ANKFN1: variants seen among roughly 807,000 people sequenced by gnomAD.
The protein encoded by ANKFN1 is ankyrin repeat and fibronectin type-III domain-containing protein 1.
In ANKFN1, 74 loss-of-function variants were observed where a neutral mutation model predicts 108.7. That is an observed-to-expected ratio of 0.68 (90% confidence interval 0.56 to 0.83). The LOEUF (loss-of-function observed/expected upper bound fraction) is 0.83, where lower values mean the gene tolerates loss of function less well. Among genes scored for constraint, ANKFN1 ranks in the 40% least tolerant of loss-of-function variants. ANKFN1 has a pLI of 0.00. For synonymous variants in ANKFN1, 547 were observed against 516.2 expected (o/e 1.06, Z -0.81); for missense variants, 1,505 against 1,382.3 (o/e 1.09, Z -1.41).
chr17:56,363,202 G>A (rs992447014), intron 6 of ANKFN1, among the ~76,000 whole-genome samples: 3 of 151,946 alleles, frequency 2.0e-5, no homozygotes, highest in African/African-American at 4.8e-5. Flanking sequence ...CCAGCCTGGG[G>A]ACAGAGGGAG....
At chr17:56,197,877 A>T (rs1913665841) in intron 1 of ANKFN1, among the ~76,000 whole-genome samples, 1 of 152,170 alleles carries the variant, frequency 6.6e-6, no homozygotes, top group African/African-American at 2.4e-5. Flanking sequence ...GATGCCTGTG[A>T]TATGTGCCTG....
chr17:56,475,644 T>C (rs1476170257), intron 15 of ANKFN1, among the ~76,000 whole-genome samples: 1 of 152,212 alleles, frequency 6.6e-6, no homozygotes, highest in Non-Finnish European at 1.5e-5. Context: ...TATATTTGGA[T>C]ATAGTTGTGG....
At chr17:56,208,478 T>C (rs1156253702) in intron 1 of ANKFN1, among the ~76,000 whole-genome samples, 1 of 152,192 alleles carries the variant, frequency 6.6e-6, no homozygotes, top group Non-Finnish European at 1.5e-5. Flanking sequence ...CATTGGCAGC[T>C]GTCCCCCGGG....
chr17:56,067,081 C>T (rs747414424), intron 4 of ANKFN1, among the ~76,000 whole-genome samples: 76 of 152,024 alleles, frequency 5.0e-4, no homozygotes, highest in Non-Finnish European at 1.0e-3. Context: ...CCTGGCCACT[C>T]AGGAGGCTGA....
intron 4 of ANKFN1, among the ~76,000 whole-genome samples, chr17:56,085,330 G>A (rs1403472934): frequency 6.6e-6 from 1 of 150,642 alleles, no homozygotes. Flanking sequence ...CCTTTGACAA[G>A]TATTCTTGTC....
chr17:56,332,376 A>G (rs75544634), intron 4 of ANKFN1, among the ~76,000 whole-genome samples: 1 of 151,520 alleles, frequency 6.6e-6, no homozygotes, highest in Non-Finnish European at 1.5e-5. Flanking sequence ...CCAATGTACT[A>G]TTTTTTTCCT....
chr17:56,353,963 C>T lies in ANKFN1; in HGVS notation c.518C>T (p.Thr173Ile). Residue 173 changes from threonine (T) to isoleucine (I), a missense_variant, in exon 6 of 21, where the codon ACA becomes ATA. Transcript: ENST00000682825. ...AACACACCTAACAGCGAGGGCTTGA[C>T]ACCCCTGGATATTGCCATCATGACC... ...DLNTPNSEGL[T>I]PLDIAIMTNN... 1 of 1,614,000 alleles carries T rather than the reference C, an allele frequency of 6.2e-7. No homozygotes were observed. The highest frequency in any genetic ancestry group is 8.5e-7 in the Non-Finnish European group (1 of 1,179,968).
At chr17:56,153,616 G>A in intron 1 of ANKFN1, 86 bp downstream of exon 1, 2 of 1,546,228 alleles carry the variant, frequency 1.3e-6, no homozygotes, top group Non-Finnish European at 1.8e-6. Flanking sequence ...TGTGAGTTGA[G>A]TGGGCGAGTG....
At chr17:56,381,977 A>G (rs1446130013) in intron 8 of ANKFN1, among the ~76,000 whole-genome samples, 1 of 152,120 alleles carries the variant, frequency 6.6e-6, no homozygotes, top group Admixed American at 6.5e-5. Flanking sequence ...TCCAAGACAC[A>G]TAATTGTCAG....
rs771290487 is a variant in ANKFN1, at chr17:56,353,833, T to C, written c.391-3T>C. On this transcript the variant is annotated splice_region_variant and splice_polypyrimidine_tract_variant and intron_variant, in intron 5 of 20. Transcript: ENST00000682825. ...GTGCTGATCTACTTTTGCTCCTCTCTAGAATTTCCAGGGCAATGAAGCCAT... is the reference window on the plus strand; with the variant it reads ...GTGCTGATCTACTTTTGCTCCTCTCCAGAATTTCCAGGGCAATGAAGCCAT... 2.5e-6 allele frequency: 4 copies of C among 1,613,850 alleles called. No individual in the cohort carries two copies. The South Asian group carries it at 4.4e-5, about 18-fold the overall frequency.
At chr17:56,074,453 A>G (rs17759111) in intron 4 of ANKFN1, among the ~76,000 whole-genome samples, 1 of 152,114 alleles carries the variant, frequency 6.6e-6, no homozygotes, top group African/African-American at 2.4e-5. Context: ...CCTGGGTTCT[A>G]CTAGGAGCTA....
intron 4 of ANKFN1, among the ~76,000 whole-genome samples, chr17:56,055,849 A>G (rs886243051): frequency 6.6e-6 from 1 of 151,792 alleles, no homozygotes; most frequent in Non-Finnish European, 1.5e-5. Flanking sequence ...CCAGCAATGT[A>G]TAAGCATTCC....
chr17:56,134,306 T>A (rs7221775), intron 4 of ANKFN1, among the ~76,000 whole-genome samples: 2 of 152,118 alleles, frequency 1.3e-5, no homozygotes, highest in Non-Finnish European at 2.9e-5. Flanking sequence ...ACTCTCCAAG[T>A]CCACAGTTTA....
intron 4 of ANKFN1, among the ~76,000 whole-genome samples, chr17:56,107,873 A>AT (rs1905780513): frequency 6.6e-6 from 1 of 151,982 alleles, no homozygotes; most frequent in African/African-American, 2.4e-5. Context: ...AAATATTTTT[A>AT]TTTTTTTGAG....
At chr17:56,320,296 A>G (rs2045325652) in intron 3 of ANKFN1, among the ~76,000 whole-genome samples, 1 of 152,198 alleles carries the variant, frequency 6.6e-6, no homozygotes, top group Non-Finnish European at 1.5e-5. Context: ...TGGCAATGCT[A>G]CTTGTCTAGT....
At chr17:56,196,082 C>T (rs1414916208) in intron 1 of ANKFN1, among the ~76,000 whole-genome samples, 1 of 152,070 alleles carries the variant, frequency 6.6e-6, no homozygotes, top group Non-Finnish European at 1.5e-5. Flanking sequence ...GCCTGGACAA[C>T]ATGGCAAAAC....
chr17:56,092,420 A>AC lies in ANKFN1; in HGVS notation c.288+46101dup, dbSNP rs1371941690. ...CTCCCGAGTAGCTGGGACTACAGGC[A>AC]CCCCCCACCACGCCCAGCTAATTTT... On this transcript the variant is annotated intron_variant, in intron 4 of 12. Transcript: ENST00000635860. 1.1e-4 allele frequency among the ~76,000 whole-genome samples: 17 copies of AC among 149,282 alleles called. No homozygotes were observed. In the South Asian group the frequency reaches 1.7e-3, roughly 15 times the overall value.
chr17:56,100,565 A>T (rs1278651920), intron 4 of ANKFN1, among the ~76,000 whole-genome samples: 2 of 152,204 alleles, frequency 1.3e-5, no homozygotes, highest in African/African-American at 4.8e-5. Context: ...AATAGTAAAC[A>T]GTTGCTATAA....
intron 15 of ANKFN1, among the ~76,000 whole-genome samples, chr17:56,468,309 C>G (rs1430989274): frequency 6.6e-6 from 1 of 152,194 alleles, no homozygotes; most frequent in East Asian, 1.9e-4. Context: ...AGCCCTTGGC[C>G]TGGATGGTGG....
Sources: allele counts gnomAD v4.1 joint callset (sites outside exome capture counted in the v4.1 genomes callset), GRCh38; gene constraint gnomAD v4.1.1; transcripts MANE v1.5; gene names NCBI Gene and HGNC (gene_info 2026-07-23, HGNC 2026-07-21).